The following NDST4 variants were observed in gnomAD, a reference collection of about 807,000 sequenced individuals.
NDST4 encodes the protein N-deacetylase and N-sulfotransferase 4.
In NDST4, 63 loss-of-function variants were observed where a neutral mutation model predicts 100.8. That is an observed-to-expected ratio of 0.62 (90% CI 0.51 to 0.77). The LOEUF (loss-of-function observed/expected upper bound fraction) is 0.77. Ranked by LOEUF, NDST4 falls within the 30% of genes least tolerant of loss-of-function variation. The probability of loss-of-function intolerance (pLI) is 0.00; values close to 1 mark genes in which losing one functional copy is unlikely to be tolerated. For missense variants in NDST4, 943 were observed against 1,018.4 expected (o/e 0.93, Z 1.01); for synonymous variants, 377 against 361.8 (o/e 1.04, Z -0.48).
intron 8 of NDST4, among the ~76,000 whole-genome samples, chr4:114,848,693 T>C (rs574856254): frequency 6.6e-6 from 1 of 152,368 alleles, no homozygotes; most frequent in East Asian, 1.9e-4. Flanking sequence ...TCCATCTTTA[T>C]CATTAGGCAT....
chr4:114,908,334 T>A (rs548138666), intron 6 of NDST4, among the ~76,000 whole-genome samples: 4 of 152,278 alleles, frequency 2.6e-5, no homozygotes, highest in African/African-American at 9.6e-5. Flanking sequence ...CTACTTTTAT[T>A]TTTCTTTATT....
intron 4 of NDST4, among the ~76,000 whole-genome samples, chr4:114,970,110 C>A (rs1462181750): frequency 6.7e-6 from 1 of 149,722 alleles, no homozygotes; most frequent in Non-Finnish European, 1.5e-5. Flanking sequence ...TTATATTGCA[C>A]CAAGAATGAA....
At chr4:115,054,283 T>G (rs2126280300) in intron 2 of NDST4, among the ~76,000 whole-genome samples, 1 of 151,178 alleles carries the variant, frequency 6.6e-6, no homozygotes, top group Non-Finnish European at 1.5e-5. Flanking sequence ...CTGGAGGGAG[T>G]TCTTGCATAT....
At chr4:114,944,905 CA>C (rs1202676574) in intron 4 of NDST4, among the ~76,000 whole-genome samples, 1 of 152,104 alleles carries the variant, frequency 6.6e-6, no homozygotes, top group Non-Finnish European at 1.5e-5. Flanking sequence ...CGCCACACCA[CA>C]GAGAGCCAGA....
chr4:115,105,786 G>A (rs184523930), intron 1 of NDST4, among the ~76,000 whole-genome samples: 2 of 152,132 alleles, frequency 1.3e-5, no homozygotes, highest in East Asian at 1.9e-4. Context: ...AACAACTTCC[G>A]TACCTTTCGT....
At chr4:115,055,508 T>C (rs1414986020) in intron 2 of NDST4, among the ~76,000 whole-genome samples, 1 of 152,080 alleles carries the variant, frequency 6.6e-6, no homozygotes, top group Non-Finnish European at 1.5e-5. Flanking sequence ...TACTGATATG[T>C]ATAAATCATT....
At chr4:114,957,593 T>G (rs1030255828) in intron 4 of NDST4, among the ~76,000 whole-genome samples, 4 of 152,118 alleles carry the variant, frequency 2.6e-5, no homozygotes, top group African/African-American at 4.8e-5. Flanking sequence ...TTCTCAACAG[T>G]CCCCCAAAGT....
chr4:114,970,312 A>AC, intron 4 of NDST4, 118 bp downstream of exon 4: 2 of 881,170 alleles, frequency 2.3e-6, no homozygotes, highest in Non-Finnish European at 3.4e-6. Flanking sequence ...CATGTGATGC[A>AC]CCCTGATATT....
chr4:114,975,137 C>T (rs1448296393), intron 3 of NDST4, among the ~76,000 whole-genome samples: 1 of 152,040 alleles, frequency 6.6e-6, no homozygotes, highest in Non-Finnish European at 1.5e-5. Context: ...AAGGGTATCA[C>T]GTTGTGTAAC....
rs901881502 is a variant in NDST4 at position 115,024,026 on chromosome 4, C to A, written c.979-46752G>T. 4.6e-5 allele frequency among the ~76,000 whole-genome samples: 7 copies of A among 152,122 alleles called. No homozygotes were observed. In the East Asian group the frequency reaches 1.4e-3, roughly 29 times the overall value. ...CTGGAAGGTACAAGTTGGCAGTGACCATATGGTGCTAATTCTGCAAGCTCA... is the reference window on the plus strand; with the variant it reads ...CTGGAAGGTACAAGTTGGCAGTGACAATATGGTGCTAATTCTGCAAGCTCA... On this transcript the variant is annotated intron_variant, in intron 2 of 13. Transcript: ENST00000264363.
chr4:115,027,313 T>G (rs1728008063), intron 2 of NDST4, among the ~76,000 whole-genome samples: 1 of 152,122 alleles, frequency 6.6e-6, no homozygotes, highest in Non-Finnish European at 1.5e-5. Context: ...GCTCTCAGCC[T>G]CTCTATTAAA....
rs549675881 is a variant in NDST4 at position 115,072,745 on chromosome 4, CAT to C, written c.978+3312_978+3313del. Among the ~76,000 whole-genome samples the C allele has an allele frequency of 3.7e-3, 564 of 151,926 alleles. 3 individuals are homozygous for C. Among genetic ancestry groups the C allele is most frequent in the South Asian group, 4.8e-3 (23 of 4,820 alleles). ...AGCCCATAAAATGACTAAAAGAAAA[CAT>C]AGAGGGAACTTCTATGATGTTGGTC... On this transcript the variant is annotated intron_variant, in intron 2 of 13. Transcript: ENST00000264363.
intron 7 of NDST4, among the ~76,000 whole-genome samples, chr4:114,870,140 A>G (rs753041235): frequency 3.3e-5 from 5 of 152,170 alleles, no homozygotes; most frequent in Non-Finnish European, 5.9e-5. Flanking sequence ...CAAGAAGCAG[A>G]TAGTTTACAT....
chr4:115,048,097 A>AT (rs34190385), intron 2 of NDST4, among the ~76,000 whole-genome samples: 7,477 of 146,920 alleles, frequency 0.051, 482 homozygotes, highest in African/African-American at 0.15. Flanking sequence ...GAAGTTTATA[A>AT]TTTTTTTTTT....
chr4:115,048,105 T>TTG (rs1414345929), intron 2 of NDST4, among the ~76,000 whole-genome samples: 95 of 152,104 alleles, frequency 6.2e-4, no homozygotes, highest in Non-Finnish European at 8.5e-4. Context: ...TAATTTTTTT[T>TTG]TTTTTGCCTG....
rs528730866 is a variant in NDST4 at position 114,904,365 on chromosome 4, G to A, written c.1536+30841C>T. Among the ~76,000 whole-genome samples, 8 of 151,854 alleles carry A rather than the reference G, an allele frequency of 5.3e-5. 1 individual carries two copies. The South Asian group carries it at 8.3e-4, about 16-fold the overall frequency. ...GGTACAGAAAGAGAAAATTTTACAC[G>A]ATATTCTTGTTCTTTTACTCTAGAA... On this transcript the variant is annotated intron_variant, in intron 6 of 13. Coordinates refer to ENST00000264363, the MANE Select transcript of NDST4 (RefSeq NM_022569.3).
intron 6 of NDST4, among the ~76,000 whole-genome samples, chr4:114,922,201 T>G (rs990428915): frequency 3.9e-5 from 6 of 152,174 alleles, no homozygotes; most frequent in Non-Finnish European, 8.8e-5. Context: ...ATCAGCAGCT[T>G]CCTGATAAGA....
intron 1 of NDST4, among the ~76,000 whole-genome samples, chr4:115,106,434 C>G (rs534749504): frequency 7.2e-5 from 11 of 152,046 alleles, no homozygotes; most frequent in African/African-American, 2.4e-4. Flanking sequence ...TCCTGGACCC[C>G]CTAACCCTCC....
intron 4 of NDST4, among the ~76,000 whole-genome samples, chr4:114,950,414 T>C (rs566716545): frequency 6.6e-6 from 1 of 152,196 alleles, no homozygotes; most frequent in Admixed American, 6.6e-5. Flanking sequence ...CTACTGTTCA[T>C]CATTATGATT....
Sources: gnomAD v4.1 joint callset for allele counts (sites outside exome capture counted in the v4.1 genomes callset) on GRCh38, gnomAD v4.1.1 for gene constraint, MANE v1.5 for transcripts, NCBI Gene and HGNC (gene_info 2026-07-23, HGNC 2026-07-21) for gene names.